The following KALRN variants were observed in gnomAD, a reference collection of about 807,000 sequenced individuals.
The protein encoded by KALRN is kalirin.
KALRN carries 70 observed loss-of-function variants against 353.7 expected under a neutral mutation model. That is an observed-to-expected ratio of 0.20 (90% confidence interval 0.16 to 0.24). The LOEUF is 0.24. Among genes scored for constraint, KALRN ranks in the 10% least tolerant of loss-of-function variants. KALRN has a pLI of 1.00. For synonymous variants in KALRN, 1,391 were observed against 1,434.8 expected, an observed-to-expected ratio of 0.97 and a Z score of 0.69; for missense variants, 2,791 against 3,756.7, an observed-to-expected ratio of 0.74 and a Z score of 6.72.
At chr3:124,496,277 C>T in intron 32 of KALRN, 34 bp from the exon 33 acceptor site, 1 of 1,552,334 alleles carries the variant, frequency 6.4e-7, no homozygotes, top group Non-Finnish European at 8.9e-7. Flanking sequence ...TTCCCCCCAC[C>T]CCCACCCCTG....
At chr3:124,065,646 A>T (rs1577714079) in intron 1 of KALRN, among the ~76,000 whole-genome samples, 2 of 152,094 alleles carry the variant, frequency 1.3e-5, no homozygotes, top group East Asian at 1.9e-4. Flanking sequence ...AAAAAAAAAA[A>T]AAAAAAGAGT....
chr3:124,529,794 A>G (rs1372235597), intron 33 of KALRN, among the ~76,000 whole-genome samples: 2 of 138,956 alleles, frequency 1.4e-5, no homozygotes, highest in African/African-American at 2.7e-5. Context: ...GGGAAGATGG[A>G]AAAAAAAAAA....
chr3:124,587,469 A>C (rs1377926378), intron 34 of KALRN, among the ~76,000 whole-genome samples: 1 of 152,148 alleles, frequency 6.6e-6, no homozygotes, highest in East Asian at 1.9e-4. Context: ...TGTTTTGGCT[A>C]TTTTTGACTT....
At chr3:124,423,062 C>T in intron 15 of KALRN, 84 bp downstream of exon 15, 1 of 1,340,752 alleles carries the variant, frequency 7.5e-7, no homozygotes, top group Non-Finnish European at 1.0e-6. Flanking sequence ...TGAGGTAAGG[C>T]ATACAGAGCC....
intron 27 of KALRN, among the ~76,000 whole-genome samples, chr3:124,477,942 G>A (rs1456868258): frequency 6.6e-6 from 1 of 152,216 alleles, no homozygotes; most frequent in African/African-American, 2.4e-5. Context: ...TGAGAGTGAT[G>A]TGCAGCCAGG....
intron 34 of KALRN, among the ~76,000 whole-genome samples, chr3:124,608,255 C>A (rs544316761): frequency 6.6e-6 from 1 of 152,104 alleles, no homozygotes; most frequent in Non-Finnish European, 1.5e-5. Context: ...GATCTGCCCA[C>A]CTTGTCTTTC....
chr3:124,434,007 T>C (rs994397735), intron 16 of KALRN, among the ~76,000 whole-genome samples: 1 of 152,214 alleles, frequency 6.6e-6, no homozygotes, highest in Non-Finnish European at 1.5e-5. Flanking sequence ...GATTGATACA[T>C]AACTTCTGTT....
At chr3:124,040,727 A>G (rs1420812077) in intron 1 of KALRN, among the ~76,000 whole-genome samples, 1 of 152,190 alleles carries the variant, frequency 6.6e-6, no homozygotes, top group Non-Finnish European at 1.5e-5. Flanking sequence ...GGTTGAGAGT[A>G]TTAAGTAGGA....
intron 34 of KALRN, among the ~76,000 whole-genome samples, chr3:124,570,276 T>C (rs868667973): frequency 6.6e-6 from 1 of 152,232 alleles, no homozygotes; most frequent in Admixed American, 6.5e-5. Context: ...AGTGACATGT[T>C]ATAAATTGCA....
chr3:124,208,687 A>G (rs78851842), intron 1 of KALRN, among the ~76,000 whole-genome samples: 10,194 of 152,236 alleles, frequency 0.067, 313 homozygotes, highest in East Asian at 0.095. Flanking sequence ...AGAGCCAGCC[A>G]GGTACAGTGG....
At chr3:124,325,213 C>T (rs2079761106) in intron 6 of KALRN, among the ~76,000 whole-genome samples, 1 of 152,142 alleles carries the variant, frequency 6.6e-6, no homozygotes. Context: ...CACAAGATGA[C>T]AGGAGACAAT....
intron 34 of KALRN, among the ~76,000 whole-genome samples, chr3:124,589,326 T>G (rs1419500614): frequency 1.3e-5 from 2 of 152,204 alleles, no homozygotes; most frequent in East Asian, 3.9e-4. Flanking sequence ...TGACTTTAAT[T>G]CACCATCCAC....
chr3:124,214,435 T>C (rs2077145142), intron 1 of KALRN, among the ~76,000 whole-genome samples: 1 of 152,208 alleles, frequency 6.6e-6, no homozygotes, highest in Non-Finnish European at 1.5e-5. Context: ...TATTCTAATC[T>C]TAGCATATAG....
chr3:124,383,013 C>A (rs574476971), intron 10 of KALRN, among the ~76,000 whole-genome samples: 1 of 152,164 alleles, frequency 6.6e-6, no homozygotes, highest in Non-Finnish European at 1.5e-5. Flanking sequence ...ATGAATTTCC[C>A]AGTTGGGGCC....
intron 1 of KALRN, among the ~76,000 whole-genome samples, chr3:124,213,568 C>T (rs2077070002): frequency 6.6e-6 from 1 of 151,940 alleles, no homozygotes; most frequent in Non-Finnish European, 1.5e-5. Context: ...TTGAAAATCC[C>T]TTTGGCACAT....
At chr3:124,238,708 C>T (rs2080086740) in intron 3 of KALRN, among the ~76,000 whole-genome samples, 1 of 152,142 alleles carries the variant, frequency 6.6e-6, no homozygotes, top group South Asian at 2.1e-4. Context: ...TTTTAGTCCC[C>T]TTCGACTCCA....
chr3:124,396,935 A>G (rs1359373153), intron 12 of KALRN, among the ~76,000 whole-genome samples: 2 of 152,196 alleles, frequency 1.3e-5, no homozygotes, highest in Non-Finnish European at 2.9e-5. Context: ...AAAAGAAGTA[A>G]ATGGTGCTTA....
intron 28 of KALRN, among the ~76,000 whole-genome samples, chr3:124,487,180 G>A (rs74372422): frequency 0.028 from 4,331 of 152,236 alleles, 197 homozygotes; most frequent in African/African-American, 0.099. Context: ...GCAAGATACA[G>A]TGACCCTGAT....
chr3:124,519,811 C>T, intron 33 of KALRN: 8 of 985,372 alleles, frequency 8.1e-6, no homozygotes, highest in Non-Finnish European at 9.6e-6. Flanking sequence ...TTCCGTATGT[C>T]ACTTTCTTGA....
Sources: allele counts gnomAD v4.1 joint callset (sites outside exome capture counted in the v4.1 genomes callset), GRCh38; gene constraint gnomAD v4.1.1; transcripts MANE v1.5; gene names NCBI Gene and HGNC (gene_info 2026-07-23, HGNC 2026-07-21).